Variants in VGLL4 observed in about 807,000 individuals in gnomAD.
VGLL4 encodes the protein transcription cofactor vestigial-like protein 4.
Under a neutral mutation model 21.0 loss-of-function variants are expected in VGLL4, and 7 were observed. The ratio of observed to expected loss-of-function variants is 0.33; its 90% CI spans 0.19 to 0.63. The LOEUF is 0.63. Among genes scored for constraint, VGLL4 ranks in the 20% least tolerant of loss-of-function variants. VGLL4 has a pLI of 0.78. For synonymous variants in VGLL4, 222 were observed against 173.2 expected (o/e 1.28, Z -2.21); for missense variants, 394 against 425.7 (o/e 0.93, Z 0.66).
intron 1 of VGLL4, among the ~76,000 whole-genome samples, chr3:11,641,482 T>G (rs1041219821): frequency 2.0e-5 from 3 of 152,164 alleles, no homozygotes; most frequent in African/African-American, 4.8e-5. Context: ...GTGTGTGATT[T>G]ATGCCCATCT....
chr3:11,694,967 G>A (rs1231878276), intron 2 of VGLL4, among the ~76,000 whole-genome samples: 4 of 152,084 alleles, frequency 2.6e-5, no homozygotes, highest in Non-Finnish European at 5.9e-5. Context: ...CAAGCATAAG[G>A]GCCAGGCCCA....
chr3:11,674,910 T>C (rs143457763), intron 2 of VGLL4, among the ~76,000 whole-genome samples: 2 of 152,220 alleles, frequency 1.3e-5, no homozygotes, highest in African/African-American at 2.4e-5. Context: ...GGAATGACAC[T>C]CTTTGGCATT....
At chr3:11,628,656 T>TA (rs1271375078) in intron 1 of VGLL4, among the ~76,000 whole-genome samples, 1 of 150,806 alleles carries the variant, frequency 6.6e-6, no homozygotes, top group African/African-American at 2.4e-5. Flanking sequence ...CCGTCTCTAC[T>TA]AAAAATACAA....
intron 1 of VGLL4, among the ~76,000 whole-genome samples, chr3:11,642,585 C>T (rs1488444458): frequency 6.6e-6 from 1 of 152,216 alleles, no homozygotes; most frequent in Non-Finnish European, 1.5e-5. Flanking sequence ...CCGGAGATGC[C>T]CTCGGCGGCA....
At chr3:11,643,933 T>C (rs1213999698), upstream of VGLL4, 2 of 995,932 alleles carry the variant, frequency 2.0e-6, no homozygotes, top group Non-Finnish European at 2.4e-6. Context: ...ATGACTCCTA[T>C]GCCGCCGCTT....
chr3:11,651,151 T>A (rs1180976944), intron 2 of VGLL4, among the ~76,000 whole-genome samples: 1 of 152,068 alleles, frequency 6.6e-6, no homozygotes, highest in Non-Finnish European at 1.5e-5. Context: ...GGGACCAGCC[T>A]GACTAACATA....
Position 11,659,772 on chromosome 3 carries a change from T to A in VGLL4, c.64+43199A>T, listed in dbSNP as rs76821306. Among the ~76,000 whole-genome samples the A allele has an allele frequency of 6.0e-3, 921 of 152,324 alleles. 9 individuals carry two copies. Among genetic ancestry groups the A allele is most frequent in the African/African-American group, 0.021 (880 of 41,570 alleles). ...AGTACTTCAGTAGACACAAACAAAGTATTTGCTATAACCCATTGATTATTG... is the reference window on the plus strand; with the variant it reads ...AGTACTTCAGTAGACACAAACAAAGAATTTGCTATAACCCATTGATTATTG... On this transcript the variant is annotated intron_variant, in intron 2 of 5. Coordinates refer to the VGLL4 transcript ENST00000273038.
chr3:11,698,789 A>G (rs1248403175), intron 2 of VGLL4, among the ~76,000 whole-genome samples: 1 of 152,224 alleles, frequency 6.6e-6, no homozygotes, highest in Non-Finnish European at 1.5e-5. Context: ...ACAGTGTACT[A>G]TTGAAATATT....
At chr3:11,585,569 G>A (rs2074343446) in intron 2 of VGLL4, among the ~76,000 whole-genome samples, 1 of 148,554 alleles carries the variant, frequency 6.7e-6, no homozygotes, top group African/African-American at 2.4e-5. Context: ...TAGGTTTAAG[G>A]AGAAAAAGGG....
rs369953699 is a variant in VGLL4, at chr3:11,565,045, G to A, written c.273-26C>T. ...CTGAAAAAGAGGAATGGGCATTCAG[G>A]GGGCGTTTTCTCAAAGGCAAAGGGG... On this transcript the variant is annotated intron_variant, in intron 2 of 4. Coordinates refer to ENST00000430365, the MANE Select transcript of VGLL4 (RefSeq NM_001128219.3). This position sits in a 1 kb window ranked among gnomAD's most constrained non-coding sequence, Gnocchi z 4.1. The A allele has an allele frequency of 1.0e-3, 1,475 of 1,466,684 alleles. 2 individuals are homozygous for A. The highest frequency in any genetic ancestry group is 1.1e-3 in the Non-Finnish European group (1,172 of 1,110,564). 90.9% of individuals were successfully genotyped at this position (1,466,684 alleles called of 1,614,324 possible).
At chr3:11,601,345 C>A (rs944409874) in intron 2 of VGLL4, among the ~76,000 whole-genome samples, 4 of 152,186 alleles carry the variant, frequency 2.6e-5, no homozygotes, top group Non-Finnish European at 5.9e-5. Flanking sequence ...GTACCAGGGG[C>A]ACATAAGGTG....
chr3:11,640,985 C>T (rs780037625), intron 1 of VGLL4, among the ~76,000 whole-genome samples: 12 of 151,890 alleles, frequency 7.9e-5, no homozygotes, highest in Non-Finnish European at 7.4e-5. Context: ...GGCATGGTGG[C>T]AGGCACCTGT....
At chr3:11,559,743 G>C (rs181186663) in intron 3 of VGLL4, among the ~76,000 whole-genome samples, 119 of 152,296 alleles carry the variant, frequency 7.8e-4, no homozygotes, top group African/African-American at 2.5e-3. Context: ...TCTCAAATCT[G>C]TTAAGACAAA....
At chr3:11,715,476 G>A (rs1174623057) in intron 1 of VGLL4, among the ~76,000 whole-genome samples, 3 of 152,168 alleles carry the variant, frequency 2.0e-5, no homozygotes, top group South Asian at 2.1e-4. Flanking sequence ...TGGGATCACA[G>A]GTGCCCACCA....
chr3:11,581,771 T>C (rs968580683), intron 2 of VGLL4, among the ~76,000 whole-genome samples: 1 of 152,200 alleles, frequency 6.6e-6, no homozygotes, highest in African/African-American at 2.4e-5. Flanking sequence ...ATTTCCCTTG[T>C]AATTTTCTTT....
In VGLL4 at chr3:11,658,084, C is replaced by A. The variant is rs187705876; in HGVS notation, c.64+44887G>T. Reference sequence around the variant, plus strand: ...GAGCAGCTGATACTACAAATGTGCACCACCACACCTGGCTAATTTTTGTAT... The same window carrying A: ...GAGCAGCTGATACTACAAATGTGCAACACCACACCTGGCTAATTTTTGTAT... On this transcript the variant is annotated intron_variant, in intron 2 of 5. Transcript: ENST00000273038. Among the ~76,000 whole-genome samples the A allele has an allele frequency of 4.0e-5, 6 of 149,218 alleles. No homozygotes were observed. In the East Asian group the frequency reaches 1.2e-3, roughly 29 times the overall value.
intron 2 of VGLL4, among the ~76,000 whole-genome samples, chr3:11,655,376 C>T (rs1389226522): frequency 6.6e-6 from 1 of 152,156 alleles, no homozygotes; most frequent in African/African-American, 2.4e-5. Context: ...GTTAGTTGCT[C>T]GTGGGCAGGA....
chr3:11,714,114 T>A (rs1401933068), intron 1 of VGLL4, among the ~76,000 whole-genome samples: 2 of 152,198 alleles, frequency 1.3e-5, no homozygotes, highest in African/African-American at 2.4e-5. Context: ...GTATGAAAGT[T>A]GATCATGTAC....
At chr3:11,665,459 C>T (rs1434677385) in intron 2 of VGLL4, among the ~76,000 whole-genome samples, 1 of 152,208 alleles carries the variant, frequency 6.6e-6, no homozygotes, top group Non-Finnish European at 1.5e-5. Flanking sequence ...GAAATCCCAA[C>T]ATGCCTTCAT....
Sources: gnomAD v4.1 joint callset for allele counts (sites outside exome capture counted in the v4.1 genomes callset) on GRCh38, gnomAD v4.1.1 for gene constraint, Gnocchi (gnomAD v3.1) non-coding constraint, MANE v1.5 for transcripts, NCBI Gene and HGNC (gene_info 2026-07-23, HGNC 2026-07-21) for gene names.